Variants in PCDH9 observed in about 807,000 individuals in gnomAD.
The protein encoded by PCDH9 is protocadherin 9.
Under a neutral mutation model 70.6 loss-of-function variants are expected in PCDH9, and 24 were observed. The observed-to-expected ratio is 0.34, with a 90% CI of 0.25 to 0.48. The LOEUF is 0.48. PCDH9 is among the 20% of genes least tolerant of loss of function. PCDH9 has a pLI of 0.99. For synonymous variants in PCDH9, 562 were observed against 558.5 expected (o/e 1.01, Z -0.09); for missense variants, 1,281 against 1,503.6 (o/e 0.85, Z 2.45).
At chr13:66,467,157 G>A (rs945308321) in intron 4 of PCDH9, among the ~76,000 whole-genome samples, 3 of 152,044 alleles carry the variant, frequency 2.0e-5, no homozygotes, top group African/African-American at 7.2e-5. Context: ...AAGGAATACA[G>A]CAAATCACTT....
At chr13:67,142,479 T>C (rs958950793) in intron 2 of PCDH9, among the ~76,000 whole-genome samples, 1 of 152,200 alleles carries the variant, frequency 6.6e-6, no homozygotes, top group African/African-American at 2.4e-5. Flanking sequence ...GTTTGAATTT[T>C]AAATGAAAAT....
intron 3 of PCDH9, among the ~76,000 whole-genome samples, chr13:66,696,769 G>A (rs982457069): frequency 1.4e-5 from 2 of 146,666 alleles, no homozygotes; most frequent in Admixed American, 1.4e-4. Context: ...AACCTTGCTG[G>A]TTGTTCAGGC....
intron 4 of PCDH9, among the ~76,000 whole-genome samples, chr13:66,413,863 G>A (rs1957416626): frequency 6.6e-6 from 1 of 152,162 alleles, no homozygotes; most frequent in Non-Finnish European, 1.5e-5. Flanking sequence ...AGCAAAAAAT[G>A]TATGGCCTCT....
intron 4 of PCDH9, among the ~76,000 whole-genome samples, chr13:66,404,306 G>A (rs960886743): frequency 6.6e-6 from 1 of 152,110 alleles, no homozygotes; most frequent in Non-Finnish European, 1.5e-5. Context: ...ATAAAGCAAA[G>A]AAATTATAGT....
chr13:66,312,432 G>GA (rs1955578048), intron 4 of PCDH9, among the ~76,000 whole-genome samples: 1 of 152,080 alleles, frequency 6.6e-6, no homozygotes, highest in African/African-American at 2.4e-5. Flanking sequence ...ACAACACGGT[G>GA]AAACACCGGC....
At chr13:67,056,092 T>A (rs1199782241) in intron 2 of PCDH9, among the ~76,000 whole-genome samples, 4 of 152,196 alleles carry the variant, frequency 2.6e-5, no homozygotes, top group African/African-American at 9.6e-5. Context: ...ATTGCTGTTA[T>A]TTTAAAAGGT....
chr13:66,410,618 A>C (rs527854076), intron 4 of PCDH9, among the ~76,000 whole-genome samples: 1 of 152,352 alleles, frequency 6.6e-6, no homozygotes, highest in Admixed American at 6.5e-5. Context: ...CTTGCTGAGC[A>C]GGTTAGCTCC....
chr13:66,319,599 T>C (rs1287404742), intron 4 of PCDH9, among the ~76,000 whole-genome samples: 1 of 151,732 alleles, frequency 6.6e-6, no homozygotes, highest in Non-Finnish European at 1.5e-5. Context: ...TAATAAGGAT[T>C]TAGTGAGGGA....
chr13:66,500,086 T>A (rs952035942), intron 4 of PCDH9, among the ~76,000 whole-genome samples: 1 of 152,358 alleles, frequency 6.6e-6, no homozygotes, highest in African/African-American at 2.4e-5. Context: ...GCGATGCGAA[T>A]GGACTAACAC....
chr13:66,935,152 C>T (rs1156829556), intron 2 of PCDH9, among the ~76,000 whole-genome samples: 2 of 152,098 alleles, frequency 1.3e-5, no homozygotes, highest in Non-Finnish European at 2.9e-5. Context: ...CCTCGACACC[C>T]GGGGCTCAAG....
chr13:66,316,200 C>A (rs1185120925), intron 4 of PCDH9, among the ~76,000 whole-genome samples: 1 of 152,162 alleles, frequency 6.6e-6, no homozygotes, highest in Admixed American at 6.5e-5. Context: ...CACGGAGCCA[C>A]CTGGATCATC....
At chr13:66,358,456 G>A (rs1369444751) in intron 4 of PCDH9, among the ~76,000 whole-genome samples, 1 of 151,908 alleles carries the variant, frequency 6.6e-6, no homozygotes. Flanking sequence ...AGCTTGCATG[G>A]TGAAAACAGG....
chr13:67,192,958 C>A (rs1272204730), intron 2 of PCDH9, among the ~76,000 whole-genome samples: 1 of 152,124 alleles, frequency 6.6e-6, no homozygotes, highest in African/African-American at 2.4e-5. Context: ...CTGACCAATT[C>A]TGTTGGCAAG....
At chr13:67,156,938 C>T (rs1305332645) in intron 2 of PCDH9, among the ~76,000 whole-genome samples, 6 of 152,200 alleles carry the variant, frequency 3.9e-5, no homozygotes, top group Non-Finnish European at 8.8e-5. Context: ...GAACCTTTCC[C>T]GTTTCACTAG....
rs1332895389 is a variant in PCDH9, at chr13:66,304,277, A to AC, written c.*377_*378insG. On this transcript the variant is annotated 3_prime_UTR_variant, in exon 5 of 5. Transcript: ENST00000377865. ...ATCAATGACAAAAAAAAAAAAAAAA[A>AC]AAAAAAAAAGCACAATTTTCTAACT... The AC allele has an allele frequency of 7.6e-3, 1,237 of 162,228 alleles. 25 individuals carry two copies. The highest frequency in any genetic ancestry group is 0.028 in the African/African-American group (1,160 of 41,258). 10.0% of individuals were successfully genotyped at this position (162,228 alleles called of 1,614,324 possible).
In PCDH9 at chr13:67,153,813, C is replaced by T. The variant is rs186431435; in HGVS notation, c.3036+71592G>A. On this transcript the variant is annotated intron_variant, in intron 2 of 4. Coordinates refer to ENST00000377865, the MANE Select transcript of PCDH9 (RefSeq NM_203487.3). ...TTTGCTGAAATAATACATTTACAGTCTAATAGGCACTGATGAAAAATGTAG... is the reference window on the plus strand; with the variant it reads ...TTTGCTGAAATAATACATTTACAGTTTAATAGGCACTGATGAAAAATGTAG... Among the ~76,000 whole-genome samples the T allele has an allele frequency of 1.9e-3, 288 of 152,280 alleles. 2 individuals carry two copies. The highest frequency in any genetic ancestry group is 3.5e-3 in the Admixed American group (53 of 15,302).
chr13:66,974,899 T>C (rs1375133098), intron 2 of PCDH9, among the ~76,000 whole-genome samples: 1 of 152,058 alleles, frequency 6.6e-6, no homozygotes, highest in Non-Finnish European at 1.5e-5. Context: ...AACAGTGTTA[T>C]GACATAACCT....
intron 4 of PCDH9, among the ~76,000 whole-genome samples, chr13:66,463,157 C>T (rs1268305642): frequency 6.6e-6 from 1 of 151,756 alleles, no homozygotes; most frequent in Non-Finnish European, 1.5e-5. Flanking sequence ...AGAACTACCT[C>T]CTTAGGGATA....
chr13:66,422,335 C>G (rs1449678093), intron 4 of PCDH9, among the ~76,000 whole-genome samples: 2 of 152,136 alleles, frequency 1.3e-5, no homozygotes, highest in South Asian at 4.1e-4. Context: ...GAACTCTCTG[C>G]CCCAAATCAA....
Sources: gnomAD v4.1 joint callset for allele counts (sites outside exome capture counted in the v4.1 genomes callset) on GRCh38, gnomAD v4.1.1 for gene constraint, MANE v1.5 for transcripts, NCBI Gene and HGNC (gene_info 2026-07-23, HGNC 2026-07-21) for gene names.